DHX8: variants seen among roughly 807,000 people sequenced by gnomAD.
DHX8 encodes the protein ATP-dependent RNA helicase DHX8.
A neutral mutation model predicts 140.7 loss-of-function variants in DHX8; 67 were observed. The ratio of observed to expected loss-of-function variants is 0.48; its 90% CI spans 0.39 to 0.58. The LOEUF (loss-of-function observed/expected upper bound fraction) is 0.58. DHX8 is among the 20% of genes least tolerant of loss of function. The probability of loss-of-function intolerance (pLI) is 0.00; values close to 1 mark genes in which losing one functional copy is unlikely to be tolerated. For synonymous variants in DHX8, 533 were observed against 553.2 expected (o/e 0.96, Z 0.51); for missense variants, 887 against 1,550.7 (o/e 0.57, Z 7.19).
chr17:43,524,263 C>T lies in DHX8; in HGVS notation c.*416C>T, dbSNP rs751505833. The T allele has an allele frequency of 5.8e-6, 6 of 1,026,812 alleles. No individual in the cohort carries two copies. Among genetic ancestry groups the T allele is most frequent in the Non-Finnish European group, 7.0e-6 (6 of 855,226 alleles). 63.6% of individuals were successfully genotyped at this position (1,026,812 alleles called of 1,614,324 possible). On this transcript the variant is annotated 3_prime_UTR_variant, in exon 23 of 23. Coordinates refer to ENST00000262415, the MANE Select transcript of DHX8 (RefSeq NM_004941.3). ...TTTGCCCCACTTCCCACCCCGTCTC[C>T]AGCCCCTGTACTTTGGCTTGACCTC...
rs769425014 is a variant in DHX8 at position 43,533,865 on chromosome 17, T to A, written c.351-2547T>A. The A allele has an allele frequency of 1.2e-6, 2 of 1,605,904 alleles. No homozygotes were observed. The highest frequency in any genetic ancestry group is 4.6e-5 in the East Asian group (2 of 43,932). The stretch of plus-strand genomic sequence containing the variant: ...GGTCCAGGCTGGGGCTCACCTGGAG[T>A]AAAGGCACTGCTCGCCATGGTGGTA... On this transcript the variant is annotated intron_variant, in intron 2 of 3. Transcript: ENST00000589898.
rs149731910 is a variant in DHX8 at position 43,484,092 on chromosome 17, G to A, written c.55G>A (p.Ala19Thr). 6.2e-6 allele frequency: 10 copies of A among 1,614,062 alleles called. No individual in the cohort carries two copies. Among genetic ancestry groups the A allele is most frequent in the Non-Finnish European group, 8.5e-6 (10 of 1,180,044 alleles). The change falls in exon 1 of 23, where the codon GCG (alanine) becomes ACG (threonine). Residue 19 changes from alanine (A) to threonine (T), a missense_variant. This residue lies in a region of DHX8 where 32 missense variants were observed against 25.1 expected (regional missense o/e 1.28). Transcript: ENST00000262415. ...GALIGSEPGP[A>T]EELAKLEYLS... ...CTTAATCGGGTCGGAGCCAGGCCCC[G>A]CGGAAGAACTTGCCAAACTCGAGTA...
chr17:43,520,067 C>T, intron 18 of DHX8, 63 bp from the exon 19 acceptor site: 1 of 1,582,732 alleles, frequency 6.3e-7, no homozygotes, highest in Non-Finnish European at 8.6e-7. Context: ...AAGTAGCTTC[C>T]CCACATGCTG....
intron 9 of DHX8, 100 bp downstream of exon 9, chr17:43,496,368 C>G (rs1968858515): frequency 2.7e-6 from 2 of 749,520 alleles, no homozygotes; most frequent in African/African-American, 3.5e-5. Flanking sequence ...ATCATTTGTT[C>G]TTTGGATCTC....
At position 43,484,115 on chromosome 17, in the gene DHX8, GTACC is replaced by G; in HGVS notation, c.80_83del (p.Tyr27CysfsTer26). 6.2e-7 allele frequency: 1 copy of G among 1,614,182 alleles called. No homozygotes were observed. The highest frequency in any genetic ancestry group is 8.5e-7 in the Non-Finnish European group (1 of 1,180,032). ...CCGCGGAAGAACTTGCCAAACTCGA[GTACC>G]TGTCTTTGGTGTCAAAGGTTTGCAC... is the stretch of plus-strand genomic sequence containing the variant. On this transcript the variant is annotated frameshift_variant, in exon 1 of 23. Transcript: ENST00000262415. LOFTEE classifies it high-confidence loss of function.
chr17:43,494,448 G>A (rs1041632351), intron 8 of DHX8, among the ~76,000 whole-genome samples: 7 of 152,102 alleles, frequency 4.6e-5, no homozygotes, highest in African/African-American at 1.4e-4. Flanking sequence ...GTCGTTGGGC[G>A]TGATGGCTCA....
At chr17:43,490,141 C>A (rs922804100) in intron 2 of DHX8, among the ~76,000 whole-genome samples, 1 of 152,138 alleles carries the variant, frequency 6.6e-6, no homozygotes, top group Non-Finnish European at 1.5e-5. Flanking sequence ...TAGTTCTAAA[C>A]CTTGGGAAAT....
chr17:43,513,809 G>T (rs182566301), intron 17 of DHX8, among the ~76,000 whole-genome samples: 2 of 149,378 alleles, frequency 1.3e-5, no homozygotes, highest in Non-Finnish European at 3.0e-5. Flanking sequence ...TGCCTCCTGG[G>T]TTCAAGCGAT....
In DHX8 at chr17:43,519,984, C is replaced by T. The variant is rs1598175126; in HGVS notation, c.2800-146C>T. 7.7e-5 allele frequency: 60 copies of T among 783,494 alleles called. 1 individual carries two copies. In the East Asian group the frequency reaches 1.4e-3, roughly 19 times the overall value. 48.5% of individuals were successfully genotyped at this position (783,494 alleles called of 1,614,324 possible). On this transcript the variant is annotated intron_variant, in intron 18 of 22. Transcript: ENST00000262415. The stretch of plus-strand genomic sequence containing the variant: ...ATAATAGTCTGAGTTTTATGTGGCC[C>T]AGCCCTGGAAGTTACCGCCAGTCTC...
chr17:43,492,139 T>C, intron 4 of DHX8, 44 bp from the exon 5 acceptor site: 1 of 1,362,222 alleles, frequency 7.3e-7, no homozygotes, highest in Non-Finnish European at 1.1e-6. Context: ...TACAGATTCT[T>C]GAGTAGTTTT....
In DHX8 at chr17:43,504,717, G is replaced by A; in HGVS notation, c.1620G>A (p.Lys540=). The change falls in exon 12 of 23, where the codon AAG becomes AAA. Residue 540 remains lysine, a synonymous_variant. Coordinates refer to ENST00000262415, the MANE Select transcript of DHX8 (RefSeq NM_004941.3). ...MMPNDIPEWK[K]HAFGGNKASY... ...CCAATGATATTCCTGAGTGGAAGAA[G>A]CATGCCTTTGGGGGCAACAAAGCCT... The A allele has an allele frequency of 6.2e-7, 1 of 1,614,178 alleles. No individual in the cohort carries two copies. The highest frequency in any genetic ancestry group is 1.7e-5 in the Admixed American group (1 of 60,020).
chr17:43,528,478 G>A (rs1221273122), downstream of DHX8: 2 of 1,385,028 alleles, frequency 1.4e-6, no homozygotes, highest in African/African-American at 1.4e-5. Flanking sequence ...TATGTACACA[G>A]GGCAGCACCC....
chr17:43,492,746 G>A lies in DHX8; in HGVS notation c.569G>A (p.Arg190Lys). The A allele has an allele frequency of 6.2e-7, 1 of 1,613,986 alleles. No individual in the cohort carries two copies. Among genetic ancestry groups the A allele is most frequent in the Admixed American group, 1.7e-5 (1 of 60,016 alleles). Residue 190 changes from arginine to lysine, a missense_variant, in exon 6 of 23, where the codon AGG becomes AAG. Coordinates refer to ENST00000262415, the MANE Select transcript of DHX8 (RefSeq NM_004941.3). ...RDRNRDRDRD[R>K]ERNRDRDHKR... Reference sequence around the variant, plus strand: ...CGAAACCGAGATCGAGACAGAGATAGGGAACGAAACCGAGATAGAGACCAC... The same window carrying A: ...CGAAACCGAGATCGAGACAGAGATAAGGAACGAAACCGAGATAGAGACCAC...
At position 43,524,763 on chromosome 17, in the gene DHX8, CT is replaced by C; in HGVS notation, c.*919del. ...TTTTTCCCCTGAGGTCCTGGATGGACTTTAACAAAGGGATTTTATGGTCAAA... is the reference window on the plus strand; with the variant it reads ...TTTTTCCCCTGAGGTCCTGGATGGACTTAACAAAGGGATTTTATGGTCAAA... On this transcript the variant is annotated 3_prime_UTR_variant, in exon 23 of 23. Coordinates refer to ENST00000262415, the MANE Select transcript of DHX8 (RefSeq NM_004941.3). 1 of 985,402 alleles carries C rather than the reference CT, an allele frequency of 1.0e-6. No individual in the cohort carries two copies. Among genetic ancestry groups the C allele is most frequent in the Non-Finnish European group, 1.2e-6 (1 of 829,936 alleles). 61.0% of individuals were successfully genotyped at this position (985,402 alleles called of 1,614,324 possible). A position where few individuals can be genotyped will look rare whatever the true frequency, so the allele number is the denominator to read the frequency against.
intron 3 of DHX8, among the ~76,000 whole-genome samples, chr17:43,538,036 A>G (rs1350164027): frequency 6.6e-6 from 1 of 151,662 alleles, no homozygotes; most frequent in Non-Finnish European, 1.5e-5. Context: ...AGGCAGGAGT[A>G]TGCCTGAGGC....
chr17:43,503,496 T>TAA (rs76447742), intron 11 of DHX8, among the ~76,000 whole-genome samples: 8 of 127,576 alleles, frequency 6.3e-5, no homozygotes, highest in South Asian at 5.0e-4. Flanking sequence ...AAACTCCATC[T>TAA]AAAAAAAAAA....
At chr17:43,506,731 C>T (rs1006041112) in intron 12 of DHX8, among the ~76,000 whole-genome samples, 23 of 151,738 alleles carry the variant, frequency 1.5e-4, no homozygotes, top group African/African-American at 5.3e-4. Context: ...TTGGCTGTTA[C>T]AAACAACGTA....
chr17:43,526,600 G>C (rs73987518), downstream of DHX8: 2,089 of 1,535,608 alleles, frequency 1.4e-3, 25 homozygotes, highest in African/African-American at 0.025. Context: ...ACTTGTTAAT[G>C]AACAGTTCAG....
At chr17:43,513,227 A>T in intron 16 of DHX8, 135 bp from the exon 17 acceptor site, 1 of 915,100 alleles carries the variant, frequency 1.1e-6, no homozygotes, top group Non-Finnish European at 1.6e-6. Flanking sequence ...AGCTGGGATT[A>T]AGTGTCATTT....
Sources: gnomAD v4.1 joint callset for allele counts (sites outside exome capture counted in the v4.1 genomes callset) on GRCh38, gnomAD v4.1.1 for gene constraint, gnomAD v4.1.1 regional missense constraint, MANE v1.5 for transcripts, NCBI Gene and HGNC (gene_info 2026-07-23, HGNC 2026-07-21) for gene names.